FAM107B: variants seen among roughly 807,000 people sequenced by gnomAD.
FAM107B encodes family with sequence similarity 107 member B.
In FAM107B, 21 loss-of-function variants were observed where a neutral mutation model predicts 31.5. That is an observed-to-expected ratio of 0.67 (90% CI 0.47 to 0.96). The LOEUF is 0.96. FAM107B is among the 40% of genes least tolerant of loss of function. The probability of loss-of-function intolerance (pLI) is 0.00; values close to 1 mark genes in which losing one functional copy is unlikely to be tolerated. For missense variants in FAM107B, 452 were observed against 377.1 expected (o/e 1.20, Z -1.64); for synonymous variants, 157 against 141.5 (o/e 1.11, Z -0.78).
In FAM107B at chr10:14,762,330, G is replaced by A. The variant is rs548712010; in HGVS notation, c.411+11923C>T. Reference sequence around the variant, plus strand: ...ACAGATGGTTAGTTAGTCACTGAAGGACCCTAATCGGGAACCTGCACCCAG... The same window carrying A: ...ACAGATGGTTAGTTAGTCACTGAAGAACCCTAATCGGGAACCTGCACCCAG... On this transcript the variant is annotated intron_variant, in intron 1 of 4. Coordinates refer to ENST00000181796, the MANE Select transcript of FAM107B (RefSeq NM_031453.4). Among the ~76,000 whole-genome samples, 4 of 152,286 alleles carry A rather than the reference G, an allele frequency of 2.6e-5. No homozygotes were observed. The South Asian group carries it at 8.3e-4, about 32-fold the overall frequency.
At chr10:14,642,050 C>T (rs1283804279) in intron 2 of FAM107B, among the ~76,000 whole-genome samples, 2 of 152,162 alleles carry the variant, frequency 1.3e-5, no homozygotes, top group Non-Finnish European at 2.9e-5. Context: ...TACGCACTGC[C>T]AAAATACAAC....
chr10:14,652,118 A>C (rs1853916103), intron 2 of FAM107B, among the ~76,000 whole-genome samples: 2 of 150,522 alleles, frequency 1.3e-5, no homozygotes, highest in South Asian at 4.2e-4. Context: ...GATGGAGTGA[A>C]GTCAGATCTA....
chr10:14,565,356 G>T (rs901146925), intron 2 of FAM107B, among the ~76,000 whole-genome samples: 1 of 152,232 alleles, frequency 6.6e-6, no homozygotes, highest in South Asian at 2.1e-4. Context: ...CAGTCCAAGG[G>T]GAGAACCCTC....
intron 2 of FAM107B, among the ~76,000 whole-genome samples, chr10:14,649,680 A>G (rs1165383234): frequency 6.6e-6 from 1 of 152,186 alleles, no homozygotes; most frequent in African/African-American, 2.4e-5. Context: ...GAACCAATGT[A>G]CATCTTACCT....
At chr10:14,576,553 A>AAC (rs1564582586) in intron 2 of FAM107B, among the ~76,000 whole-genome samples, 7 of 105,830 alleles carry the variant, frequency 6.6e-5, no homozygotes, top group Admixed American at 1.8e-4. Flanking sequence ...ACAACAACAA[A>AAC]AAGCCACTGA....
At chr10:14,581,979 ATT>A in intron 2 of FAM107B, among the ~76,000 whole-genome samples, 1 of 152,160 alleles carries the variant, frequency 6.6e-6, no homozygotes, top group Non-Finnish European at 1.5e-5. Context: ...AGAATTTGGT[ATT>A]GTTTAAAATT....
intron 2 of FAM107B, among the ~76,000 whole-genome samples, chr10:14,546,350 A>G (rs973423845): frequency 1.6e-4 from 24 of 152,220 alleles, no homozygotes; most frequent in Non-Finnish European, 2.4e-4. Context: ...TTGACTGTCC[A>G]CATTTTCTAC....
At chr10:14,548,500 T>C (rs1848928260) in intron 2 of FAM107B, 5 of 985,442 alleles carry the variant, frequency 5.1e-6, no homozygotes, top group Non-Finnish European at 6.0e-6. Context: ...ATGCTGGAGT[T>C]GGCCCAGGGC....
intron 2 of FAM107B, among the ~76,000 whole-genome samples, chr10:14,535,482 T>G (rs1847511153): frequency 6.6e-6 from 1 of 152,246 alleles, no homozygotes; most frequent in South Asian, 2.1e-4. Context: ...GGCTTTGATT[T>G]CTTCAAAACT....
intron 1 of FAM107B, among the ~76,000 whole-genome samples, chr10:14,669,954 C>A (rs1390937833): frequency 1.3e-5 from 2 of 152,114 alleles, no homozygotes; most frequent in Non-Finnish European, 2.9e-5. Flanking sequence ...ACATAGAAAT[C>A]ATAAATACTT....
At chr10:14,728,260 T>C (rs1856081608) in intron 1 of FAM107B, among the ~76,000 whole-genome samples, 1 of 152,090 alleles carries the variant, frequency 6.6e-6, no homozygotes, top group African/African-American at 2.4e-5. Flanking sequence ...CTCCAGTCCA[T>C]CAACTCTCTT....
At chr10:14,674,590 C>A (rs376097764) in intron 1 of FAM107B, among the ~76,000 whole-genome samples, 1 of 152,144 alleles carries the variant, frequency 6.6e-6, no homozygotes, top group East Asian at 1.9e-4. Flanking sequence ...GAGCACTTAG[C>A]GTGAGTACAA....
At chr10:14,632,846 G>A (rs116987797) in intron 2 of FAM107B, among the ~76,000 whole-genome samples, 6,085 of 152,112 alleles carry the variant, frequency 0.04, 149 homozygotes, top group Middle Eastern at 0.065. Context: ...GCCAGCTAGG[G>A]AAGGGGTTCA....
At chr10:14,637,638 T>C (rs960838940) in intron 2 of FAM107B, among the ~76,000 whole-genome samples, 2 of 152,034 alleles carry the variant, frequency 1.3e-5, no homozygotes, top group African/African-American at 4.8e-5. Flanking sequence ...CAAGACCCTG[T>C]CTCAAAACAA....
chr10:14,612,181 G>A lies in FAM107B; in HGVS notation c.469+55453C>T, dbSNP rs866722494. 2.6e-5 allele frequency among the ~76,000 whole-genome samples: 4 copies of A among 152,328 alleles called. No individual in the cohort carries two copies. In the South Asian group the frequency reaches 8.3e-4, roughly 32 times the overall value. On this transcript the variant is annotated intron_variant, in intron 2 of 4. Coordinates refer to ENST00000181796, the MANE Select transcript of FAM107B (RefSeq NM_031453.4). ...ACTTATTAACTCTGCTTAGAGAAGT[G>A]TGTGACCCACACATTTGAACTGCTA...
chr10:14,724,350 T>G (rs903599099), intron 1 of FAM107B, among the ~76,000 whole-genome samples: 2 of 152,246 alleles, frequency 1.3e-5, no homozygotes, highest in Non-Finnish European at 2.9e-5. Context: ...CACTATTTGT[T>G]GAAACCACTA....
intron 1 of FAM107B, among the ~76,000 whole-genome samples, chr10:14,676,051 G>A (rs1379592017): frequency 2.0e-5 from 3 of 152,112 alleles, no homozygotes; most frequent in Admixed American, 6.5e-5. Context: ...CCAGCTACTT[G>A]GGGGGCTGAA....
chr10:14,650,147 G>A (rs1853862440), intron 2 of FAM107B, among the ~76,000 whole-genome samples: 1 of 152,004 alleles, frequency 6.6e-6, no homozygotes, highest in South Asian at 2.1e-4. Context: ...CCTAGCAAAA[G>A]CATGAAAGCC....
At chr10:14,574,624 A>C (rs1851407525) in intron 2 of FAM107B, among the ~76,000 whole-genome samples, 1 of 152,374 alleles carries the variant, frequency 6.6e-6, no homozygotes, top group Middle Eastern at 3.4e-3. Flanking sequence ...GAGACTGAGA[A>C]AAGGCTTAGC....
Sources: allele counts gnomAD v4.1 joint callset (sites outside exome capture counted in the v4.1 genomes callset), GRCh38; gene constraint gnomAD v4.1.1; transcripts MANE v1.5; gene names NCBI Gene and HGNC (gene_info 2026-07-23, HGNC 2026-07-21).